Variants in MYL9 observed in about 807,000 individuals in gnomAD.
The protein encoded by MYL9 is myosin light chain 9.
Under a neutral mutation model 12.8 loss-of-function variants are expected in MYL9, and 7 were observed. That is an observed-to-expected ratio of 0.55 (90% CI 0.31 to 1.03). The LOEUF is 1.03. Among genes scored for constraint, MYL9 ranks in the 50% least tolerant of loss-of-function variants. The pLI, the probability that MYL9 is intolerant of heterozygous loss-of-function variation, is 0.05. For missense variants in MYL9, 190 were observed against 242.7 expected (o/e 0.78, Z 1.44); for synonymous variants, 81 against 87.8 (o/e 0.92, Z 0.43).
chr20:36,549,333 C>T lies in MYL9; in HGVS notation c.*84C>T. The T allele has an allele frequency of 2.4e-6, 3 of 1,237,548 alleles. No individual in the cohort carries two copies. Among genetic ancestry groups the T allele is most frequent in the Non-Finnish European group, 2.2e-6 (2 of 889,846 alleles). 76.7% of individuals were successfully genotyped at this position (1,237,548 alleles called of 1,614,324 possible). ...GTCCATACCAGCTCCCTGCCCATGA[C>T]CCTCGCTCAGGGATCCCCCTTTGAG... On this transcript the variant is annotated 3_prime_UTR_variant, in exon 4 of 4. Coordinates refer to ENST00000279022, the MANE Select transcript of MYL9 (RefSeq NM_006097.5).
intron 3 of MYL9, among the ~76,000 whole-genome samples, chr20:36,548,403 C>A (rs921375239): frequency 6.6e-6 from 1 of 152,230 alleles, no homozygotes; most frequent in Non-Finnish European, 1.5e-5. Flanking sequence ...TGATCTCCCC[C>A]GCTGGCCCAA....
At chr20:36,546,009 C>A (rs1301042948) in intron 2 of MYL9, among the ~76,000 whole-genome samples, 1 of 152,222 alleles carries the variant, frequency 6.6e-6, no homozygotes, top group Non-Finnish European at 1.5e-5. Context: ...AAACTGAGGC[C>A]TAGAGGGGCG....
At chr20:36,544,827 C>G in intron 1 of MYL9, 32 bp from the exon 2 acceptor site, 8 of 1,556,730 alleles carry the variant, frequency 5.1e-6, no homozygotes, top group Non-Finnish European at 7.0e-6. Context: ...CCCAGAGTCA[C>G]AGGGCCACCC....
Position 36,548,279 on chromosome 20 carries a change from G to A in MYL9, c.346+86G>A. ...GCCTCTGCCCCTAAGGGCCAGAACA[G>A]ACATCACCCATCTCCCAGGTTCTGT... On this transcript the variant is annotated intron_variant, in intron 3 of 3. Transcript: ENST00000279022. 3 of 1,464,644 alleles carry A rather than the reference G, an allele frequency of 2.0e-6. No homozygotes were observed. The South Asian group carries it at 4.2e-5, about 21-fold the overall frequency. The allele number at this position is 1,464,644 out of a possible 1,614,324, so 90.7% of individuals were successfully genotyped here.
intron 1 of MYL9, among the ~76,000 whole-genome samples, chr20:36,541,922 G>T (rs1294690529): frequency 6.6e-6 from 1 of 152,124 alleles, no homozygotes; most frequent in Non-Finnish European, 1.5e-5. Context: ...GGGTGCTGGG[G>T]AGAGGGTTGC....
At chr20:36,547,052 T>C (rs1409251959) in intron 2 of MYL9, among the ~76,000 whole-genome samples, 1 of 152,168 alleles carries the variant, frequency 6.6e-6, no homozygotes, top group Non-Finnish European at 1.5e-5. Context: ...CAGCAGGGTA[T>C]GTGAGGCTCA....
chr20:36,542,270 A>G (rs1448547446), intron 1 of MYL9, among the ~76,000 whole-genome samples: 1 of 152,116 alleles, frequency 6.6e-6, no homozygotes, highest in African/African-American at 2.4e-5. Flanking sequence ...TCTAAGGAGG[A>G]GACTCAGATG....
intron 1 of MYL9, among the ~76,000 whole-genome samples, chr20:36,543,304 C>T (rs1415099397): frequency 6.6e-6 from 1 of 152,218 alleles, no homozygotes; most frequent in African/African-American, 2.4e-5. Context: ...GCCGGGATCC[C>T]AGTCCAGGGT....
At chr20:36,545,705 C>T (rs746435533) in intron 2 of MYL9, among the ~76,000 whole-genome samples, 19 of 151,914 alleles carry the variant, frequency 1.3e-4, no homozygotes, top group South Asian at 6.2e-4. Flanking sequence ...CCAAGGCGGG[C>T]GGATCACGAG....
chr20:36,545,732 C>T (rs1030198103), intron 2 of MYL9, among the ~76,000 whole-genome samples: 1 of 151,934 alleles, frequency 6.6e-6, no homozygotes, highest in African/African-American at 2.4e-5. Context: ...AGATCGAGAT[C>T]ATCCTGGCTA....
intron 2 of MYL9, among the ~76,000 whole-genome samples, chr20:36,545,914 C>T (rs957065883): frequency 1.3e-5 from 2 of 152,114 alleles, no homozygotes; most frequent in African/African-American, 4.8e-5. Flanking sequence ...AGCAAGACTC[C>T]GTCTCAAAAC....
chr20:36,547,887 A>G (rs1255159214), intron 2 of MYL9, 145 bp from the exon 3 acceptor site: 3 of 1,029,858 alleles, frequency 2.9e-6, no homozygotes, highest in Non-Finnish European at 4.1e-6. Flanking sequence ...GCTGCGCTAG[A>G]GCCATGCTTT....
At chr20:36,542,536 G>T (rs1435142406) in intron 1 of MYL9, among the ~76,000 whole-genome samples, 1 of 151,990 alleles carries the variant, frequency 6.6e-6, no homozygotes. Flanking sequence ...CCCTCCACCA[G>T]TTCTAGAAGG....
rs200104309 is a variant in MYL9, at chr20:36,548,088, A to T, written c.241A>T (p.Ile81Phe). ...EGMMSEAPGPINFTMFLTMFG... is the reference protein window; with the variant it reads ...EGMMSEAPGPFNFTMFLTMFG... ...CATGATGAGCGAGGCCCCGGGGCCC[A>T]TCAACTTCACCATGTTCCTCACCAT... Residue 81 changes from isoleucine (I) to phenylalanine (F), a missense_variant, in exon 3 of 4, where the codon ATC (isoleucine) becomes TTC (phenylalanine). Transcript: ENST00000279022. 6.2e-7 allele frequency: 1 copy of T among 1,613,906 alleles called. No homozygotes were observed. Among genetic ancestry groups the T allele is most frequent in the Non-Finnish European group, 8.5e-7 (1 of 1,179,866 alleles).
chr20:36,544,901 C>T lies in MYL9; in HGVS notation c.17C>T (p.Ala6Val). 6.2e-7 allele frequency: 1 copy of T among 1,612,158 alleles called. No individual in the cohort carries two copies. The highest frequency in any genetic ancestry group is 8.5e-7 in the Non-Finnish European group (1 of 1,179,244). ...GAAGCCAAGATGTCCAGCAAGCGGG[C>T]CAAAGCCAAGACCACCAAGAAGCGG... MSSKRAKAKTTKKRPQ... is the reference protein window; with the variant it reads MSSKRVKAKTTKKRPQ... Residue 6 changes from alanine (A) to valine (V), a missense_variant, in exon 2 of 4, where the codon GCC (alanine) becomes GTC (valine). By Grantham distance (64) the Ala-to-Val change is moderately conservative. Coordinates refer to ENST00000279022, the MANE Select transcript of MYL9 (RefSeq NM_006097.5).
intron 2 of MYL9, among the ~76,000 whole-genome samples, chr20:36,547,069 T>C (rs1354904194): frequency 4.6e-5 from 7 of 152,136 alleles, no homozygotes; most frequent in Admixed American, 4.6e-4. Flanking sequence ...CTCAGGGACA[T>C]GAAAACTTCC....
chr20:36,541,766 GC>G (rs1460894674), intron 1 of MYL9, among the ~76,000 whole-genome samples: 1 of 152,244 alleles, frequency 6.6e-6, no homozygotes, highest in Non-Finnish European at 1.5e-5. Flanking sequence ...CTGGCCAGGG[GC>G]CGGGCAGCAG....
chr20:36,544,006 C>G (rs1368837225), intron 1 of MYL9, among the ~76,000 whole-genome samples: 4 of 152,152 alleles, frequency 2.6e-5, no homozygotes, highest in Non-Finnish European at 5.9e-5. Context: ...CAGACTTGCT[C>G]TGAGGGGCGG....
intron 1 of MYL9, 62 bp from the exon 2 acceptor site, chr20:36,544,797 G>A (rs2038075074): frequency 2.1e-6 from 3 of 1,416,782 alleles, no homozygotes; most frequent in East Asian, 4.7e-5. Flanking sequence ...CAGTCTGGGG[G>A]AGGCAGGAAG....
Sources: allele counts gnomAD v4.1 joint callset (sites outside exome capture counted in the v4.1 genomes callset), GRCh38; gene constraint gnomAD v4.1.1; transcripts MANE v1.5; gene names NCBI Gene and HGNC (gene_info 2026-07-23, HGNC 2026-07-21).